FOXJ3: variants seen among roughly 807,000 people sequenced by gnomAD.
FOXJ3 encodes forkhead box J3.
A neutral mutation model predicts 76.1 loss-of-function variants in FOXJ3; 22 were observed. That is an observed-to-expected ratio of 0.29 (90% CI 0.21 to 0.41). FOXJ3 has a LOEUF of 0.41. Among genes scored for constraint, FOXJ3 ranks in the 10% least tolerant of loss-of-function variants. FOXJ3 has a pLI of 1.00. For synonymous variants in FOXJ3, 269 were observed against 261.2 expected (o/e 1.03, Z -0.29); for missense variants, 613 against 762.1 (o/e 0.80, Z 2.30).
At chr1:42,318,135 C>T (rs980075257) in intron 1 of FOXJ3, among the ~76,000 whole-genome samples, 3 of 152,182 alleles carry the variant, frequency 2.0e-5, no homozygotes, top group African/African-American at 7.2e-5. Flanking sequence ...ATCACTTTAT[C>T]TCTAAGCAAT....
At chr1:42,298,080 T>C (rs912013251) in intron 2 of FOXJ3, among the ~76,000 whole-genome samples, 5 of 152,134 alleles carry the variant, frequency 3.3e-5, no homozygotes, top group African/African-American at 1.2e-4. Context: ...GTTCTCTTGA[T>C]AGTAAGTTCT....
intron 11 of FOXJ3, among the ~76,000 whole-genome samples, chr1:42,183,125 A>T (rs372519349): frequency 6.7e-6 from 1 of 150,176 alleles, no homozygotes; most frequent in South Asian, 2.1e-4. Context: ...AAATACAAAG[A>T]ATTAGCTGGG....
chr1:42,224,779 C>T (rs138757573), intron 5 of FOXJ3, among the ~76,000 whole-genome samples: 9 of 152,264 alleles, frequency 5.9e-5, no homozygotes, highest in African/African-American at 1.9e-4. Flanking sequence ...AATCACTTCT[C>T]TTTAGCAGTT....
In FOXJ3 at chr1:42,181,935, G is replaced by A; in HGVS notation, c.1735C>T (p.Pro579Ser). Residue 579 changes from proline to serine, a missense_variant, in exon 12 of 13, where the codon CCA becomes TCA. This residue lies in a region of FOXJ3 where 526 missense variants were observed against 601.4 expected (regional missense o/e 0.87). Coordinates refer to ENST00000361346, the MANE Select transcript of FOXJ3 (RefSeq NM_014947.5). ...CTCTTACCTGCCATCGTTGTTCCTG[G>A]AGTGCTGAGTGCCTGTGGGATATGA... Reference protein sequence around the residue: ...YPHIPQALSTPGTTMAGHHRA... With the variant: ...YPHIPQALSTSGTTMAGHHRA... The A allele has an allele frequency of 6.2e-7, 1 of 1,610,546 alleles. No individual in the cohort carries two copies. The highest frequency in any genetic ancestry group is 8.5e-7 in the Non-Finnish European group (1 of 1,177,222).
At chr1:42,204,197 T>C (rs1646817435) in intron 6 of FOXJ3, among the ~76,000 whole-genome samples, 1 of 152,094 alleles carries the variant, frequency 6.6e-6, no homozygotes, top group African/African-American at 2.4e-5. Flanking sequence ...AAAGCTTATC[T>C]CAATGTGTTT....
At chr1:42,316,307 C>T (rs1191114416) in intron 1 of FOXJ3, among the ~76,000 whole-genome samples, 1 of 148,516 alleles carries the variant, frequency 6.7e-6, no homozygotes, top group East Asian at 2.0e-4. Flanking sequence ...TACCTGGGAC[C>T]ACAGGTGCAC....
In FOXJ3 at chr1:42,294,579, C is replaced by T. The variant is rs374677345; in HGVS notation, c.45-15907G>A. On this transcript the variant is annotated intron_variant, in intron 2 of 12. Coordinates refer to ENST00000361346, the MANE Select transcript of FOXJ3 (RefSeq NM_014947.5). ...TTCGAGACCAGCCTGGCCAACATGG[C>T]GAAACCCCATCTCTACTAAAAATAA... is the stretch of plus-strand genomic sequence containing the variant. Among the ~76,000 whole-genome samples, 67 of 151,982 alleles carry T rather than the reference C, an allele frequency of 4.4e-4. 1 individual carries two copies. The East Asian group carries it at 0.011, about 25-fold the overall frequency.
chr1:42,316,789 C>T (rs1029349070), intron 1 of FOXJ3, among the ~76,000 whole-genome samples: 4 of 152,110 alleles, frequency 2.6e-5, no homozygotes, highest in Admixed American at 1.3e-4. Flanking sequence ...GAAAACCAAA[C>T]GATGTATGTT....
rs763063352 is a variant in FOXJ3, at chr1:42,205,767, T to C, written c.625A>G (p.Asn209Asp). 2 of 1,552,068 alleles carry C rather than the reference T, an allele frequency of 1.3e-6. No individual in the cohort carries two copies. The highest frequency in any genetic ancestry group is 1.8e-6 in the Non-Finnish European group (2 of 1,124,062). Reference sequence around the variant, plus strand: ...GTTTAAAAAAATGAAATTACTTTGTTAGTCACAGTGTTGATTGCCAGAGTT... The same window carrying C: ...GTTTAAAAAAATGAAATTACTTTGTCAGTCACAGTGTTGATTGCCAGAGTT... The part of the protein sequence containing the change: ...SPTLAINTVT[N>D]KVTLYNTDQD... The change falls in exon 6 of 13, where the codon AAC becomes GAC. Residue 209 changes from asparagine to aspartate, a missense_variant. This residue lies in a region of FOXJ3 where 526 missense variants were observed against 601.4 expected (regional missense o/e 0.87). Transcript: ENST00000361346.
intron 6 of FOXJ3, among the ~76,000 whole-genome samples, chr1:42,205,553 G>A (rs573461743): frequency 6.6e-6 from 1 of 152,214 alleles, no homozygotes; most frequent in African/African-American, 2.4e-5. Context: ...TTCTCGGTAA[G>A]GACCTTCCAA....
chr1:42,237,610 G>A (rs556817549), intron 4 of FOXJ3, among the ~76,000 whole-genome samples: 1 of 151,186 alleles, frequency 6.6e-6, no homozygotes, highest in Admixed American at 6.6e-5. Context: ...ACCTTGTAAG[G>A]AGCAAAAAGC....
chr1:42,220,053 T>C lies in FOXJ3; in HGVS notation c.528+7830A>G, dbSNP rs1334013568. ...TAACAAGTGCATTATTTCCTAATTA[T>C]AACTCTTTCAAAGTACCTTACCTGG... On this transcript the variant is annotated intron_variant, in intron 5 of 12. Transcript: ENST00000361346. 3.3e-5 allele frequency among the ~76,000 whole-genome samples: 5 copies of C among 152,358 alleles called. No homozygotes were observed. In the East Asian group the frequency reaches 9.6e-4, roughly 29 times the overall value.
intron 4 of FOXJ3, among the ~76,000 whole-genome samples, chr1:42,254,642 TG>T (rs1029209096): frequency 6.8e-6 from 1 of 147,690 alleles, no homozygotes; most frequent in Non-Finnish European, 1.5e-5. Flanking sequence ...GCCATAAAAA[TG>T]ATGAGTTCAC....
intron 6 of FOXJ3, among the ~76,000 whole-genome samples, chr1:42,199,636 AT>A (rs35943682): frequency 2.3e-4 from 35 of 149,944 alleles, no homozygotes; most frequent in East Asian, 9.7e-4. Flanking sequence ...AAAAAAAAAG[AT>A]TTTTTTTTTA....
At chr1:42,296,009 T>C (rs1653765425) in intron 2 of FOXJ3, among the ~76,000 whole-genome samples, 1 of 152,220 alleles carries the variant, frequency 6.6e-6, no homozygotes, top group Admixed American at 6.5e-5. Flanking sequence ...CACACCAACA[T>C]CTGTTATTTT....
At chr1:42,312,995 A>G (rs557689584) in intron 1 of FOXJ3, among the ~76,000 whole-genome samples, 4 of 152,296 alleles carry the variant, frequency 2.6e-5, no homozygotes, top group South Asian at 4.1e-4. Flanking sequence ...GTCTTCCCTG[A>G]TATTTCACAA....
At chr1:42,266,328 C>T (rs1188478472) in intron 3 of FOXJ3, among the ~76,000 whole-genome samples, 1 of 152,000 alleles carries the variant, frequency 6.6e-6, no homozygotes, top group East Asian at 1.9e-4. Context: ...GAATGATGCT[C>T]TCTCCCAAAG....
Position 42,271,406 on chromosome 1 carries a change from C to T in FOXJ3, c.370-6217G>A, listed in dbSNP as rs1651856145. 2.0e-5 allele frequency among the ~76,000 whole-genome samples: 3 copies of T among 152,090 alleles called. No individual in the cohort carries two copies. In the East Asian group the frequency reaches 5.8e-4, roughly 29 times the overall value. On this transcript the variant is annotated intron_variant, in intron 3 of 12. Coordinates refer to ENST00000361346, the MANE Select transcript of FOXJ3 (RefSeq NM_014947.5). ...CTTATTTCCTTCTACATCCTTTCCA[C>T]CTTGGCTCCCAACTATCCCCTAGGG...
intron 1 of FOXJ3, among the ~76,000 whole-genome samples, chr1:42,316,342 T>TTTTTGTTTTG (rs1264665192): frequency 1.5e-5 from 2 of 135,746 alleles, no homozygotes; most frequent in African/African-American, 5.3e-5. Context: ...CCTTTTTTTT[T>TTTTTGTTTTG]TTTTTTTCTG....
Sources: allele counts gnomAD v4.1 joint callset (sites outside exome capture counted in the v4.1 genomes callset), GRCh38; gene constraint gnomAD v4.1.1; regional missense constraint gnomAD v4.1.1; transcripts MANE v1.5; gene names NCBI Gene and HGNC (gene_info 2026-07-23, HGNC 2026-07-21).